Variants in CUL2 observed in about 807,000 individuals in gnomAD.
The protein encoded by CUL2 is cullin-2.
A neutral mutation model predicts 110.2 loss-of-function variants in CUL2; 22 were observed. The observed-to-expected ratio is 0.20, with a 90% CI of 0.14 to 0.28. The LOEUF (loss-of-function observed/expected upper bound fraction) is 0.28, where lower values mean the gene tolerates loss of function less well. Ranked by LOEUF, CUL2 falls within the 10% of genes least tolerant of loss-of-function variation. The probability of loss-of-function intolerance (pLI) is 1.00; values close to 1 mark genes in which losing one functional copy is unlikely to be tolerated. For synonymous variants in CUL2, 279 were observed against 293.2 expected (o/e 0.95, Z 0.49); for missense variants, 631 against 905.5 (o/e 0.70, Z 3.89).
At chr10:35,092,433 C>T (rs2087225403), upstream of CUL2, among the ~76,000 whole-genome samples, 1 of 152,182 alleles carries the variant, frequency 6.6e-6, no homozygotes, top group Non-Finnish European at 1.5e-5. Flanking sequence ...TTAGGAATAT[C>T]CTGGATGAAG....
intron 2 of CUL2, among the ~76,000 whole-genome samples, chr10:35,067,859 G>C (rs1016750099): frequency 6.6e-6 from 1 of 152,112 alleles, no homozygotes. Flanking sequence ...TGTAATCCCA[G>C]CACTTTGGGA....
intron 16 of CUL2, among the ~76,000 whole-genome samples, chr10:35,028,186 CAT>C (rs1027307527): frequency 3.4e-4 from 52 of 152,304 alleles, no homozygotes; most frequent in African/African-American, 1.2e-3. Context: ...CTCTTCTTCA[CAT>C]AGTTTCTAAA....
intron 5 of CUL2, among the ~76,000 whole-genome samples, chr10:35,051,644 T>G (rs1033330610): frequency 1.3e-5 from 2 of 152,160 alleles, no homozygotes; most frequent in African/African-American, 4.8e-5. Context: ...AAATAGTGTC[T>G]CCTTGTGGTT....
At chr10:35,094,091 C>T (rs759895201), upstream of CUL2, among the ~76,000 whole-genome samples, 1 of 152,150 alleles carries the variant, frequency 6.6e-6, no homozygotes, top group Non-Finnish European at 1.5e-5. Flanking sequence ...GATCGTGCTT[C>T]TTGTACAGCC....
chr10:35,112,387 C>G (rs2087534254), intron 1 of CUL2, among the ~76,000 whole-genome samples: 1 of 152,170 alleles, frequency 6.6e-6, no homozygotes, highest in Admixed American at 6.6e-5. Flanking sequence ...GAGGTGACTC[C>G]TACAATTGAG....
rs116356479 is a variant in CUL2, at chr10:35,026,343, C to T, written c.1618-1145G>A. The stretch of plus-strand genomic sequence containing the variant: ...TATGATCTGACTAACTAATAACTCC[C>T]AGGGATATCAATAAAATTCAATCAC... On this transcript the variant is annotated intron_variant, in intron 16 of 20. Coordinates refer to ENST00000374749, the MANE Select transcript of CUL2 (RefSeq NM_003591.4). 8.4e-3 allele frequency among the ~76,000 whole-genome samples: 1,273 copies of T among 152,240 alleles called. 22 individuals carry two copies. Among genetic ancestry groups the T allele is most frequent in the African/African-American group, 0.028 (1,154 of 41,518 alleles).
chr10:35,087,796 G>C lies in CUL2; in HGVS notation c.-23+2383C>G, dbSNP rs1428560613. On this transcript the variant is annotated intron_variant, in intron 1 of 20. Transcript: ENST00000374749. ...CACTGCTCTTCTCACTGGTCTCCTT[G>C]TGTCTCTCTTCTCCAATCAACAGTC... 2.0e-5 allele frequency among the ~76,000 whole-genome samples: 3 copies of C among 152,176 alleles called. No homozygotes were observed. The South Asian group carries it at 6.2e-4, about 31-fold the overall frequency.
At chr10:35,118,277 G>C (rs902674563) in intron 1 of CUL2, 13 of 151,934 alleles carry the variant, frequency 8.6e-5, no homozygotes, top group Non-Finnish European at 1.8e-4. Flanking sequence ...TTCAATTCTG[G>C]GAAATTCTCA....
rs372054726 is a variant in CUL2, at chr10:35,032,309, T to C, written c.1170+126A>G. The C allele has an allele frequency of 1.3e-3, 983 of 752,724 alleles. 21 individuals carry two copies. In the South Asian group the frequency reaches 0.015, roughly 12 times the overall value. 46.6% of individuals were successfully genotyped at this position (752,724 alleles called of 1,614,324 possible). A position where few individuals can be genotyped will look rare whatever the true frequency, so the allele number is the denominator to read the frequency against. ...TACATAAATGCCAAACTATATACAA[T>C]GTAGATAATTTTCCTTCTATTTTTC... On this transcript the variant is annotated intron_variant, in intron 12 of 20. Coordinates refer to ENST00000374749, the MANE Select transcript of CUL2 (RefSeq NM_003591.4).
chr10:35,065,336 C>T (rs1365926180), intron 2 of CUL2, among the ~76,000 whole-genome samples: 1 of 152,032 alleles, frequency 6.6e-6, no homozygotes, highest in African/African-American at 2.4e-5. Flanking sequence ...GTCAAGAGAT[C>T]GAGGCCAGCC....
At chr10:35,086,110 T>C (rs1399607876) in intron 1 of CUL2, among the ~76,000 whole-genome samples, 1 of 151,734 alleles carries the variant, frequency 6.6e-6, no homozygotes, top group Non-Finnish European at 1.5e-5. Flanking sequence ...GGAGGGCGCC[T>C]GTAGTCCCAG....
chr10:35,091,927 C>T (rs1428711430), upstream of CUL2, among the ~76,000 whole-genome samples: 2 of 151,972 alleles, frequency 1.3e-5, no homozygotes, highest in Non-Finnish European at 2.9e-5. Flanking sequence ...CGTGTCAGGC[C>T]CCCCCTGCTT....
At chr10:35,111,258 T>A (rs994077779) in intron 1 of CUL2, among the ~76,000 whole-genome samples, 6 of 143,240 alleles carry the variant, frequency 4.2e-5, no homozygotes, top group Non-Finnish European at 6.2e-5. Flanking sequence ...ATGAGAAGAT[T>A]TTTTTTTTTT....
At chr10:35,093,936 T>G (rs1446428240), upstream of CUL2, among the ~76,000 whole-genome samples, 1 of 152,038 alleles carries the variant, frequency 6.6e-6, no homozygotes, top group Non-Finnish European at 1.5e-5. Flanking sequence ...CATAAAAGCA[T>G]GCAATTTATG....
In CUL2 at chr10:35,118,903, T is replaced by G. The variant is rs548164969; in HGVS notation, c.-51+7702A>C. 7.5e-4 allele frequency among the ~76,000 whole-genome samples: 115 copies of G among 152,358 alleles called. 1 individual carries two copies. Among genetic ancestry groups the G allele is most frequent in the Admixed American group, 6.9e-3 (105 of 15,298 alleles). ...CAGGCATGTCCAGATCATTTCACAA[T>G]TCCTCTACTCCAGCCACTGCTACTG... On this transcript the variant is annotated intron_variant, in intron 1 of 5. Coordinates refer to the CUL2 transcript ENST00000685421.
intron 2 of CUL2, among the ~76,000 whole-genome samples, chr10:35,097,592 G>A (rs1386645079): frequency 6.6e-6 from 1 of 151,444 alleles, no homozygotes; most frequent in East Asian, 1.9e-4. Flanking sequence ...TTGGCATGAT[G>A]TGCTGAGAAT....
At chr10:35,021,904 G>GGTGGGGCGAA (rs771251693) in intron 17 of CUL2, among the ~76,000 whole-genome samples, 103 of 144,858 alleles carry the variant, frequency 7.1e-4, no homozygotes, top group Non-Finnish European at 1.3e-3. Context: ...GGTGGGGTGA[G>GGTGGGGCGAA]GTGGGGCGAA....
chr10:35,100,602 A>G (rs2087363034), intron 2 of CUL2, among the ~76,000 whole-genome samples: 1 of 151,966 alleles, frequency 6.6e-6, no homozygotes, highest in Non-Finnish European at 1.5e-5. Flanking sequence ...TCTCTACTAA[A>G]AATAGAAAAA....
intron 1 of CUL2, among the ~76,000 whole-genome samples, chr10:35,085,955 C>A (rs1254288942): frequency 6.6e-6 from 1 of 152,134 alleles, no homozygotes; most frequent in African/African-American, 2.4e-5. Flanking sequence ...CAGCATCACA[C>A]AATATACCCG....
Sources: allele counts gnomAD v4.1 joint callset (sites outside exome capture counted in the v4.1 genomes callset), GRCh38; gene constraint gnomAD v4.1.1; transcripts MANE v1.5; gene names NCBI Gene and HGNC (gene_info 2026-07-23, HGNC 2026-07-21).